Variants in TMEM41B observed in about 807,000 individuals in gnomAD.
TMEM41B encodes the protein transmembrane protein 41B, also known as protein stasimon.
In TMEM41B, 18 loss-of-function variants were observed where a neutral mutation model predicts 31.9. The observed-to-expected ratio is 0.56, with a 90% confidence interval of 0.39 to 0.84. The LOEUF is 0.84. Ranked by LOEUF, TMEM41B falls within the 40% of genes least tolerant of loss-of-function variation. The pLI is 0.00. For missense variants in TMEM41B, 322 were observed against 348.0 expected, an observed-to-expected ratio of 0.93 and a Z score of 0.59; for synonymous variants, 144 against 124.3, an observed-to-expected ratio of 1.16 and a Z score of -1.05.
chr11:9,307,180 A>G (rs1244415786), intron 1 of TMEM41B, among the ~76,000 whole-genome samples: 1 of 152,122 alleles, frequency 6.6e-6, no homozygotes, highest in African/African-American at 2.4e-5. Context: ...CTTAGGAATG[A>G]CTCACACTGG....
intron 1 of TMEM41B, among the ~76,000 whole-genome samples, chr11:9,301,836 C>CGAA (rs1473288025): frequency 6.6e-6 from 1 of 151,964 alleles, no homozygotes; most frequent in Non-Finnish European, 1.5e-5. Flanking sequence ...AGTGGTACGC[C>CGAA]GAAGACATGT....
At chr11:9,283,807 G>A (rs1031750405) in intron 6 of TMEM41B, among the ~76,000 whole-genome samples, 14 of 147,828 alleles carry the variant, frequency 9.5e-5, no homozygotes, top group African/African-American at 2.2e-4. Flanking sequence ...TTTTTGAGAC[G>A]GAGTTTCGCT....
intron 3 of TMEM41B, among the ~76,000 whole-genome samples, chr11:9,291,065 G>A (rs1025241672): frequency 6.6e-6 from 1 of 152,170 alleles, no homozygotes; most frequent in South Asian, 2.1e-4. Context: ...GTAGTGAGCC[G>A]AGATCATGCC....
intron 1 of TMEM41B, among the ~76,000 whole-genome samples, chr11:9,307,596 C>G (rs1376097058): frequency 1.3e-5 from 2 of 151,852 alleles, no homozygotes; most frequent in Non-Finnish European, 2.9e-5. Flanking sequence ...GCGTGGGCCA[C>G]CACGTCCGGC....
Position 9,287,755 on chromosome 11 carries a change from T to C in TMEM41B, c.514A>G (p.Arg172Gly). ...GTTAGGTATTTGTATACAACTGGTC[T>C]CCCAACTAAATAGGAAAGCATATAA... ...FCYMLSYLVG[R>G]PVVYKYLTEK... is the part of the protein sequence containing the mutation. The change falls in exon 5 of 7, where the codon AGA becomes GGA. Residue 172 changes from arginine (R) to glycine (G), a missense_variant. This residue lies in a region of TMEM41B where 47 missense variants were observed against 84.8 expected (regional missense o/e 0.55). Coordinates refer to ENST00000528080, the MANE Select transcript of TMEM41B (RefSeq NM_015012.4). The C allele has an allele frequency of 6.2e-7, 1 of 1,613,708 alleles. No individual in the cohort carries two copies. The highest frequency in any genetic ancestry group is 1.1e-5 in the South Asian group (1 of 90,998).
chr11:9,309,202 C>T (rs1198754698), intron 1 of TMEM41B, among the ~76,000 whole-genome samples: 2 of 151,576 alleles, frequency 1.3e-5, no homozygotes, highest in Admixed American at 6.6e-5. Flanking sequence ...GCCAAGATCG[C>T]ACCATTGCAC....
intron 1 of TMEM41B, among the ~76,000 whole-genome samples, chr11:9,313,179 T>C (rs1853604077): frequency 6.6e-6 from 1 of 152,206 alleles, no homozygotes; most frequent in Non-Finnish European, 1.5e-5. Flanking sequence ...TCAGAGCTGA[T>C]TTATACATTA....
At chr11:9,311,614 G>A (rs539181325) in intron 1 of TMEM41B, 2 of 977,360 alleles carry the variant, frequency 2.0e-6, no homozygotes, top group Non-Finnish European at 3.1e-6. Context: ...GAGTGGGCAG[G>A]ATTGGAACCT....
rs1852764305 is a variant in TMEM41B, at chr11:9,283,346, G to A, written c.*78C>T. 1.7e-6 allele frequency: 2 copies of A among 1,159,920 alleles called. No homozygotes were observed. Among genetic ancestry groups the A allele is most frequent in the Non-Finnish European group, 2.4e-6 (2 of 827,820 alleles). 71.9% of individuals were successfully genotyped at this position (1,159,920 alleles called of 1,614,324 possible). On this transcript the variant is annotated 3_prime_UTR_variant, in exon 7 of 7. Transcript: ENST00000528080. ...TTCCTTGTTTAATTACTGAAGAGGT[G>A]ATTTTAAAACATAAATGGATGCACC...
At chr11:9,299,885 C>A (rs1282238578) in intron 1 of TMEM41B, among the ~76,000 whole-genome samples, 184 bp from the exon 2 acceptor site, 1 of 152,064 alleles carries the variant, frequency 6.6e-6, no homozygotes, top group Admixed American at 6.6e-5. Context: ...TTTGGGAAGC[C>A]GAGGCAGGTA....
intron 1 of TMEM41B, among the ~76,000 whole-genome samples, chr11:9,309,901 T>C (rs990135811): frequency 4.8e-5 from 7 of 146,932 alleles, no homozygotes; most frequent in Non-Finnish European, 1.0e-4. Context: ...CCAGCCTGGG[T>C]GACAGAGCAA....
At chr11:9,306,819 A>C (rs887995447) in intron 1 of TMEM41B, among the ~76,000 whole-genome samples, 2 of 152,170 alleles carry the variant, frequency 1.3e-5, no homozygotes, top group Non-Finnish European at 2.9e-5. Flanking sequence ...ATTTCAAGTC[A>C]CTTTAAGCCT....
At chr11:9,311,462 G>A in intron 1 of TMEM41B, 4 of 1,416,298 alleles carry the variant, frequency 2.8e-6, no homozygotes, top group South Asian at 2.3e-5. Context: ...GAGGAGGGTA[G>A]GGACCCGAGG....
intron 3 of TMEM41B, among the ~76,000 whole-genome samples, chr11:9,292,416 A>C (rs1478397011): frequency 1.3e-5 from 2 of 152,148 alleles, no homozygotes; most frequent in African/African-American, 4.8e-5. Context: ...TATGAAACAT[A>C]AAGTAAATGT....
At chr11:9,307,178 T>A (rs1853417673) in intron 1 of TMEM41B, among the ~76,000 whole-genome samples, 1 of 152,170 alleles carries the variant, frequency 6.6e-6, no homozygotes, top group South Asian at 2.1e-4. Flanking sequence ...ATCTTAGGAA[T>A]GACTCACACT....
rs775726362 is a variant in TMEM41B, at chr11:9,283,602, A to G, written c.707-9T>C. The G allele has an allele frequency of 6.3e-7, 1 of 1,595,918 alleles. No individual in the cohort carries two copies. Among genetic ancestry groups the G allele is most frequent in the South Asian group, 1.2e-5 (1 of 86,166 alleles). Reference sequence around the variant, plus strand: ...AGAAGGAGGTGCGACACCTGAAATAAAATATAAAAAGATACAGTAAAAACC... The same window carrying G: ...AGAAGGAGGTGCGACACCTGAAATAGAATATAAAAAGATACAGTAAAAACC... On this transcript the variant is annotated splice_polypyrimidine_tract_variant and intron_variant, in intron 6 of 6. Transcript: ENST00000528080.
intron 3 of TMEM41B, 155 bp downstream of exon 3, chr11:9,295,104 A>C: frequency 4.0e-6 from 4 of 1,008,142 alleles, no homozygotes; most frequent in Non-Finnish European, 5.3e-6. Context: ...GATTAAAGTG[A>C]TAATTTTTTT....
intron 1 of TMEM41B, among the ~76,000 whole-genome samples, chr11:9,312,970 AAAGT>A (rs1175757640): frequency 1.3e-5 from 2 of 152,166 alleles, no homozygotes; most frequent in African/African-American, 2.4e-5. Flanking sequence ...ATAAGATTAA[AAAGT>A]AAGAGCACTT....
rs984510540 is a variant in TMEM41B, at chr11:9,287,697, T to C, written c.567+5A>G. Reference sequence around the variant, plus strand: ...ACATCAAATAATTTAAAAATACATGTTTACCTGCTGTGACCATTTTACTGC... The same window carrying C: ...ACATCAAATAATTTAAAAATACATGCTTACCTGCTGTGACCATTTTACTGC... On this transcript the variant is annotated splice_donor_5th_base_variant and intron_variant, in intron 5 of 6. Transcript: ENST00000528080. 2 of 1,590,998 alleles carry C rather than the reference T, an allele frequency of 1.3e-6. No homozygotes were observed. Among genetic ancestry groups the C allele is most frequent in the South Asian group, 2.3e-5 (2 of 88,132 alleles).
Sources: gnomAD v4.1 joint callset for allele counts (sites outside exome capture counted in the v4.1 genomes callset) on GRCh38, gnomAD v4.1.1 for gene constraint, gnomAD v4.1.1 regional missense constraint, MANE v1.5 for transcripts, NCBI Gene and HGNC (gene_info 2026-07-23, HGNC 2026-07-21) for gene names.